MGAT4C: variants seen among roughly 807,000 people sequenced by gnomAD.
MGAT4C encodes MGAT4 family member C.
MGAT4C carries 19 observed loss-of-function variants against 40.1 expected under a neutral mutation model. That is an observed-to-expected ratio of 0.47 (90% CI 0.33 to 0.70). The LOEUF is 0.70. Among genes scored for constraint, MGAT4C ranks in the 30% least tolerant of loss-of-function variants. The pLI is 0.02. For synonymous variants in MGAT4C, 181 were observed against 187.1 expected, an observed-to-expected ratio of 0.97 and a Z score of 0.27; for missense variants, 491 against 563.2, an observed-to-expected ratio of 0.87 and a Z score of 1.30.
intron 2 of MGAT4C, among the ~76,000 whole-genome samples, chr12:86,030,888 G>A (rs1002115597): frequency 6.6e-6 from 1 of 151,732 alleles, no homozygotes; most frequent in Non-Finnish European, 1.5e-5. Flanking sequence ...CTAGCTGAAG[G>A]TTTCTTGAAG....
At chr12:86,701,087 TG>T (rs1565934991) in intron 2 of MGAT4C, among the ~76,000 whole-genome samples, 1 of 152,336 alleles carries the variant, frequency 6.6e-6, no homozygotes, top group South Asian at 2.1e-4. Context: ...TATTCTTTCA[TG>T]TCTGCTATCC....
chr12:86,625,358 A>G (rs990056891), intron 2 of MGAT4C, among the ~76,000 whole-genome samples: 1 of 152,206 alleles, frequency 6.6e-6, no homozygotes, highest in African/African-American at 2.4e-5. Context: ...AGGTATAAAG[A>G]ATTATAGGAA....
At chr12:86,006,736 G>T (rs577897619) in intron 2 of MGAT4C, among the ~76,000 whole-genome samples, 10 of 152,168 alleles carry the variant, frequency 6.6e-5, no homozygotes, top group African/African-American at 2.4e-4. Context: ...CTCAAGTAAT[G>T]ACTGACAAAT....
Position 85,979,241 on chromosome 12 carries a change from C to A in MGAT4C, c.*48G>T, listed in dbSNP as rs376457265. 1 of 1,430,922 alleles carries A rather than the reference C, an allele frequency of 7.0e-7. No individual in the cohort carries two copies. The highest frequency in any genetic ancestry group is 2.3e-5 in the East Asian group (1 of 43,250). The allele number at this position is 1,430,922 out of a possible 1,614,324, so 88.6% of individuals were successfully genotyped here. A position where few individuals can be genotyped will look rare whatever the true frequency, so the allele number is the denominator to read the frequency against. ...TCCAAAAGACAAAGGTAGCAAAAGA[C>A]GAAGCAGGAAGAACTGCTTCAGAAA... On this transcript the variant is annotated 3_prime_UTR_variant, in exon 5 of 5. Coordinates refer to ENST00000611864, the MANE Select transcript of MGAT4C (RefSeq NM_001351288.2).
At chr12:86,325,895 T>A (rs575006701) in intron 4 of MGAT4C, among the ~76,000 whole-genome samples, 205 of 148,750 alleles carry the variant, frequency 1.4e-3, no homozygotes, top group African/African-American at 4.6e-3. Flanking sequence ...AAAAAAAAAA[T>A]AATAATGCTT....
intron 3 of MGAT4C, among the ~76,000 whole-genome samples, chr12:86,417,969 A>G (rs906140615): frequency 1.3e-5 from 2 of 152,184 alleles, no homozygotes; most frequent in Non-Finnish European, 2.9e-5. Context: ...CTTGCCCAAC[A>G]TTATACAACT....
intron 2 of MGAT4C, among the ~76,000 whole-genome samples, chr12:86,008,329 C>G (rs1281420549): frequency 6.6e-6 from 1 of 151,864 alleles, no homozygotes; most frequent in Non-Finnish European, 1.5e-5. Flanking sequence ...TTTAATTTGT[C>G]TGAGCAATGG....
chr12:86,277,066 C>T (rs1227210353), intron 4 of MGAT4C, among the ~76,000 whole-genome samples: 1 of 152,100 alleles, frequency 6.6e-6, no homozygotes, highest in African/African-American at 2.4e-5. Flanking sequence ...TATGAGAGTT[C>T]CCTTTCTCTA....
chr12:85,989,931 C>T (rs1237833458), intron 2 of MGAT4C, among the ~76,000 whole-genome samples: 2 of 152,050 alleles, frequency 1.3e-5, no homozygotes, highest in East Asian at 3.8e-4. Flanking sequence ...ACATTTACCT[C>T]TCATATTGTA....
At chr12:86,275,010 C>A (rs1369567278) in intron 4 of MGAT4C, among the ~76,000 whole-genome samples, 2 of 152,290 alleles carry the variant, frequency 1.3e-5, no homozygotes, top group Middle Eastern at 3.4e-3. Context: ...AGCATTGCCA[C>A]TCGGGTTTTG....
At chr12:86,536,572 T>C (rs894693897) in intron 2 of MGAT4C, among the ~76,000 whole-genome samples, 5 of 152,076 alleles carry the variant, frequency 3.3e-5, no homozygotes, top group African/African-American at 1.2e-4. Flanking sequence ...AAATAAAACC[T>C]CTTTAAGCAT....
chr12:86,473,122 A>C (rs1230032248), intron 2 of MGAT4C, among the ~76,000 whole-genome samples: 1 of 151,920 alleles, frequency 6.6e-6, no homozygotes, highest in African/African-American at 2.4e-5. Flanking sequence ...CGTCCGGCTA[A>C]TTTTTTGTGT....
chr12:86,181,477 T>A (rs117334236), intron 1 of MGAT4C, among the ~76,000 whole-genome samples: 207 of 152,306 alleles, frequency 1.4e-3, no homozygotes, highest in Non-Finnish European at 2.3e-3. Context: ...TTAAACTATA[T>A]AGTATATAAA....
chr12:86,489,421 G>A (rs975431783), intron 2 of MGAT4C, among the ~76,000 whole-genome samples: 1 of 152,188 alleles, frequency 6.6e-6, no homozygotes, highest in Non-Finnish European at 1.5e-5. Context: ...CACACCAAGT[G>A]TGGGTACCCT....
At chr12:86,231,373 A>G (rs1951317199) in intron 1 of MGAT4C, among the ~76,000 whole-genome samples, 1 of 152,162 alleles carries the variant, frequency 6.6e-6, no homozygotes, top group African/African-American at 2.4e-5. Flanking sequence ...CCTACTTATT[A>G]TATTTGTGTA....
intron 4 of MGAT4C, among the ~76,000 whole-genome samples, chr12:86,296,819 G>A (rs1171036345): frequency 6.6e-6 from 1 of 152,210 alleles, no homozygotes. Flanking sequence ...TCTGGCCTTG[G>A]CCAGCCCAGA....
intron 2 of MGAT4C, among the ~76,000 whole-genome samples, chr12:86,591,516 C>T (rs927314408): frequency 1.1e-4 from 17 of 151,812 alleles, no homozygotes; most frequent in African/African-American, 3.6e-4. Context: ...TTGATTTTTA[C>T]ATACTAACTA....
chr12:86,407,227 T>C (rs1208019129), intron 3 of MGAT4C, among the ~76,000 whole-genome samples: 2 of 152,134 alleles, frequency 1.3e-5, no homozygotes, highest in African/African-American at 4.8e-5. Flanking sequence ...TTAATATTTA[T>C]CATTTTTCAA....
At chr12:86,023,232 G>C (rs982757868) in intron 2 of MGAT4C, among the ~76,000 whole-genome samples, 1 of 151,992 alleles carries the variant, frequency 6.6e-6, no homozygotes, top group Non-Finnish European at 1.5e-5. Context: ...GTTCACAAAA[G>C]TTCTCTTTAT....
Sources: gnomAD v4.1 joint callset for allele counts (sites outside exome capture counted in the v4.1 genomes callset) on GRCh38, gnomAD v4.1.1 for gene constraint, MANE v1.5 for transcripts, NCBI Gene and HGNC (gene_info 2026-07-23, HGNC 2026-07-21) for gene names.